Variants in ANKRD45 observed in about 807,000 individuals in gnomAD.
ANKRD45 encodes ankyrin repeat domain-containing protein 45.
ANKRD45 carries 21 observed loss-of-function variants against 28.1 expected under a neutral mutation model. The ratio of observed to expected loss-of-function variants is 0.75; its 90% CI spans 0.53 to 1.08. ANKRD45 has a LOEUF of 1.08. Among genes scored for constraint, ANKRD45 ranks in the 50% least tolerant of loss-of-function variants. The pLI, the probability that ANKRD45 is intolerant of heterozygous loss-of-function variation, is 0.00. For synonymous variants in ANKRD45, 86 were observed against 103.9 expected, an observed-to-expected ratio of 0.83 and a Z score of 1.05; for missense variants, 261 against 308.7, an observed-to-expected ratio of 0.85 and a Z score of 1.16.
At chr1:173,642,280 T>C (rs1448676714) in intron 3 of ANKRD45, among the ~76,000 whole-genome samples, 1 of 152,252 alleles carries the variant, frequency 6.6e-6, no homozygotes, top group Non-Finnish European at 1.5e-5. Flanking sequence ...TATTATTACC[T>C]GCCTTCAAAG....
At chr1:173,625,081 C>T (rs1344019816) in intron 4 of ANKRD45, among the ~76,000 whole-genome samples, 156 bp from the exon 5 acceptor site, 3 of 152,134 alleles carry the variant, frequency 2.0e-5, no homozygotes, top group Non-Finnish European at 2.9e-5. Context: ...ATATAAATAG[C>T]TATTGAGCAC....
intron 2 of ANKRD45, among the ~76,000 whole-genome samples, chr1:173,649,763 T>C (rs1669098364): frequency 6.6e-6 from 1 of 152,322 alleles, no homozygotes; most frequent in African/African-American, 2.4e-5. Flanking sequence ...TTAAAATATT[T>C]TGCTTTACAC....
chr1:173,618,665 G>A (rs1378133163), intron 5 of ANKRD45, among the ~76,000 whole-genome samples: 1 of 152,116 alleles, frequency 6.6e-6, no homozygotes, highest in Non-Finnish European at 1.5e-5. Context: ...TGACTGATTG[G>A]GGTACCTGAA....
chr1:173,651,229 T>A (rs1669201716), intron 2 of ANKRD45, among the ~76,000 whole-genome samples: 1 of 152,234 alleles, frequency 6.6e-6, no homozygotes, highest in Non-Finnish European at 1.5e-5. Context: ...GTTTTAGGTC[T>A]AACATTTAAA....
the ANKRD45 span, among the ~76,000 whole-genome samples, chr1:173,706,924 C>T: frequency 6.6e-6 from 1 of 152,110 alleles, no homozygotes; most frequent in South Asian, 2.1e-4. Flanking sequence ...GTGCATTCTT[C>T]CCCACAGTTG....
the ANKRD45 span, among the ~76,000 whole-genome samples, chr1:173,691,445 G>C: frequency 6.6e-6 from 1 of 152,140 alleles, no homozygotes; most frequent in Non-Finnish European, 1.5e-5. Context: ...AAAAGAAATA[G>C]CACTCAAATA....
chr1:173,644,301 C>T (rs1256318289), intron 3 of ANKRD45, among the ~76,000 whole-genome samples: 1 of 152,132 alleles, frequency 6.6e-6, no homozygotes, highest in Non-Finnish European at 1.5e-5. Context: ...CATTCCACAG[C>T]TACATTACTA....
At chr1:173,625,513 C>T (rs1204821671) in intron 4 of ANKRD45, among the ~76,000 whole-genome samples, 1 of 152,092 alleles carries the variant, frequency 6.6e-6, no homozygotes, top group African/African-American at 2.4e-5. Context: ...ACATATGCAG[C>T]AAATTTCTGA....
the ANKRD45 span, among the ~76,000 whole-genome samples, chr1:173,689,162 CT>C: frequency 6.6e-6 from 1 of 152,190 alleles, no homozygotes; most frequent in Non-Finnish European, 1.5e-5. Flanking sequence ...GACATCCTCT[CT>C]TGAAGTGGCC....
At chr1:173,618,372 T>A (rs1283224714) in intron 5 of ANKRD45, among the ~76,000 whole-genome samples, 5 of 152,136 alleles carry the variant, frequency 3.3e-5, no homozygotes, top group Non-Finnish European at 7.4e-5. Context: ...TGTAACCCAA[T>A]GCAAAGAAGC....
At position 173,635,695 on chromosome 1, in the gene ANKRD45, T is replaced by C. The variant is rs1481867767; in HGVS notation, c.497-8536A>G. Reference sequence around the variant, plus strand: ...CTCCATCTCACTGCCTGCCTTATCTTCTGGATAAACTATGCTGCGACTTTG... The same window carrying C: ...CTCCATCTCACTGCCTGCCTTATCTCCTGGATAAACTATGCTGCGACTTTG... On this transcript the variant is annotated intron_variant, in intron 3 of 5. Transcript: ENST00000333279. 3 of 1,535,754 alleles carry C rather than the reference T, an allele frequency of 2.0e-6. No homozygotes were observed. In the Admixed American group the frequency reaches 5.9e-5, roughly 30 times the overall value.
chr1:173,647,253 C>T (rs754055423), intron 2 of ANKRD45, among the ~76,000 whole-genome samples: 1 of 152,134 alleles, frequency 6.6e-6, no homozygotes, highest in Non-Finnish European at 1.5e-5. Context: ...AAGAAACTTG[C>T]CCAAGGAAAC....
At position 173,646,978 on chromosome 1, in the gene ANKRD45, G is replaced by A. The variant is rs760394216; in HGVS notation, c.364C>T (p.Arg122Cys). The A allele has an allele frequency of 2.4e-5, 39 of 1,613,868 alleles. 1 individual carries two copies. Among genetic ancestry groups the A allele is most frequent in the Middle Eastern group, 3.3e-4 (2 of 6,084 alleles). ...ACCAGTGCTTTCAAAGTTTCCAAAC[G>A]ACCCCAGGCTGCAGCACAATGTAAG... ...TLLHCAAAWG[R>C]LETLKALVEL... Residue 122 changes from arginine (R) to cysteine (C), a missense_variant, in exon 3 of 6, where the codon CGT (arginine) becomes TGT (cysteine). Physicochemically the swap from Arg to Cys is radical, Grantham distance 180. Coordinates refer to ENST00000333279, the MANE Select transcript of ANKRD45 (RefSeq NM_198493.3).
upstream of ANKRD45, among the ~76,000 whole-genome samples, chr1:173,674,303 T>C (rs138544026): frequency 2.9e-4 from 44 of 152,032 alleles, no homozygotes; most frequent in East Asian, 7.2e-3. Context: ...CACGAGCCAC[T>C]GCACTCGGCC....
At chr1:173,654,913 C>G (rs1558141489) in intron 2 of ANKRD45, among the ~76,000 whole-genome samples, 2 of 152,186 alleles carry the variant, frequency 1.3e-5, no homozygotes, top group African/African-American at 4.8e-5. Flanking sequence ...GTGCATGCAT[C>G]ACATAGTTCT....
At chr1:173,669,390 T>C (rs181337607) in intron 1 of ANKRD45, 1 of 434,818 alleles carries the variant, frequency 2.3e-6, no homozygotes, top group African/African-American at 2.7e-5. Context: ...CCAACTGATT[T>C]TTTTCTTCAA....
intron 2 of ANKRD45, among the ~76,000 whole-genome samples, chr1:173,650,679 C>T (rs1240366159): frequency 6.6e-6 from 1 of 151,764 alleles, no homozygotes; most frequent in Non-Finnish European, 1.5e-5. Context: ...AAATTGTGTT[C>T]CACAATGGTT....
At chr1:173,622,387 T>C (rs1464457264) in intron 5 of ANKRD45, among the ~76,000 whole-genome samples, 1 of 152,138 alleles carries the variant, frequency 6.6e-6, no homozygotes, top group Non-Finnish European at 1.5e-5. Context: ...GGAGGCATCA[T>C]GCTACCCAAC....
chr1:173,675,782 A>G, the ANKRD45 span, among the ~76,000 whole-genome samples: 1 of 152,244 alleles, frequency 6.6e-6, no homozygotes, highest in Non-Finnish European at 1.5e-5. Flanking sequence ...AAATCATGGT[A>G]AGACTGATTT....
Sources: allele counts gnomAD v4.1 joint callset (sites outside exome capture counted in the v4.1 genomes callset), GRCh38; gene constraint gnomAD v4.1.1; transcripts MANE v1.5; gene names NCBI Gene and HGNC (gene_info 2026-07-23, HGNC 2026-07-21).